Variants in GPBP1L1 observed in about 807,000 individuals in gnomAD.
GPBP1L1 encodes GC-rich promoter binding protein 1 like 1, also known as vasculin-like protein 1.
GPBP1L1 carries 23 observed loss-of-function variants against 52.5 expected under a neutral mutation model. That is an observed-to-expected ratio of 0.44 (90% CI 0.32 to 0.62). The LOEUF is 0.62. Ranked by LOEUF, GPBP1L1 falls within the 20% of genes least tolerant of loss-of-function variation. The pLI, the probability that GPBP1L1 is intolerant of heterozygous loss-of-function variation, is 0.06. For missense variants in GPBP1L1, 596 were observed against 579.3 expected (o/e 1.03, Z -0.30); for synonymous variants, 243 against 203.1 (o/e 1.20, Z -1.67).
chr1:45,656,744 T>C (rs12745365), intron 4 of GPBP1L1, among the ~76,000 whole-genome samples: 11,255 of 151,852 alleles, frequency 0.074, 605 homozygotes, highest in Middle Eastern at 0.16. Context: ...CAGCTCACTG[T>C]AGCCTCAAAC....
chr1:45,683,204 T>TC (rs1491329475), intron 2 of GPBP1L1, among the ~76,000 whole-genome samples: 4 of 45,730 alleles, frequency 8.7e-5, no homozygotes, highest in African/African-American at 4.0e-4. Flanking sequence ...AATATAGGCC[T>TC]TTTTTTTTTT....
At chr1:45,660,130 T>C (rs1370132183) in intron 3 of GPBP1L1, 54 bp downstream of exon 3, 1 of 939,832 alleles carries the variant, frequency 1.1e-6, no homozygotes, top group South Asian at 4.9e-5. Context: ...GTATTTTTCA[T>C]GATGCATATA....
chr1:45,659,333 C>A (rs753982232), intron 3 of GPBP1L1, among the ~76,000 whole-genome samples, 191 bp from the exon 4 acceptor site: 1 of 152,128 alleles, frequency 6.6e-6, no homozygotes, highest in Admixed American at 6.5e-5. Context: ...AACAAAAGTT[C>A]TAAACAAAAG....
At chr1:45,635,981 C>T (rs1644588855) in intron 8 of GPBP1L1, among the ~76,000 whole-genome samples, 1 of 152,088 alleles carries the variant, frequency 6.6e-6, no homozygotes, top group African/African-American at 2.4e-5. Context: ...TATATACCAC[C>T]TTCTTATTGC....
At chr1:45,637,888 A>G (rs1317426287) in intron 8 of GPBP1L1, among the ~76,000 whole-genome samples, 7 of 152,298 alleles carry the variant, frequency 4.6e-5, no homozygotes, top group African/African-American at 7.2e-5. Context: ...CACAAAAAAA[A>G]GGGGGGCATT....
At chr1:45,669,026 C>T (rs941489855) in intron 2 of GPBP1L1, among the ~76,000 whole-genome samples, 1 of 152,154 alleles carries the variant, frequency 6.6e-6, no homozygotes, top group Non-Finnish European at 1.5e-5. Flanking sequence ...CATTGATACA[C>T]CATTTTAATT....
At chr1:45,674,870 T>C (rs1335684182) in intron 2 of GPBP1L1, among the ~76,000 whole-genome samples, 1 of 152,244 alleles carries the variant, frequency 6.6e-6, no homozygotes, top group East Asian at 1.9e-4. Flanking sequence ...AAATTACAAA[T>C]GGGTTTATCC....
upstream of GPBP1L1, chr1:45,687,688 C>G (rs771389112): frequency 4.6e-5 from 7 of 152,206 alleles, no homozygotes; most frequent in Non-Finnish European, 8.8e-5. Flanking sequence ...ATCACCACAC[C>G]TTTCATGGAA....
intron 2 of GPBP1L1, among the ~76,000 whole-genome samples, chr1:45,675,483 C>T (rs1017051333): frequency 6.6e-6 from 1 of 151,962 alleles, no homozygotes; most frequent in African/African-American, 2.4e-5. Context: ...TTAGTGGGTG[C>T]CCAATAAATG....
rs188839377 is a variant in GPBP1L1 at position 45,643,710 on chromosome 1, C to T, written c.478-1211G>A. Among the ~76,000 whole-genome samples, 383 of 125,518 alleles carry T rather than the reference C, an allele frequency of 3.1e-3. 5 individuals carry two copies. Among genetic ancestry groups the T allele is most frequent in the African/African-American group, 0.011 (366 of 32,204 alleles). The allele number at this position is 125,518 out of a possible 152,430, so 82.3% of individuals were successfully genotyped here. A position where few individuals can be genotyped will look rare whatever the true frequency, so the allele number is the denominator to read the frequency against. ...TTTGTGACAGAGTGTCACTCTGTTGCCCAGGTTGGAGTACAGTGGCACAAT... is the reference window on the plus strand; with the variant it reads ...TTTGTGACAGAGTGTCACTCTGTTGTCCAGGTTGGAGTACAGTGGCACAAT... On this transcript the variant is annotated intron_variant, in intron 6 of 12. Coordinates refer to ENST00000355105, the MANE Select transcript of GPBP1L1 (RefSeq NM_021639.5).
At chr1:45,668,683 A>C (rs1327421917) in intron 2 of GPBP1L1, among the ~76,000 whole-genome samples, 1 of 152,186 alleles carries the variant, frequency 6.6e-6, no homozygotes, top group Non-Finnish European at 1.5e-5. Flanking sequence ...CAAAAAAACC[A>C]AAACAGAACA....
intron 12 of GPBP1L1, among the ~76,000 whole-genome samples, chr1:45,628,750 G>A (rs1301845344): frequency 1.3e-5 from 2 of 152,118 alleles, no homozygotes; most frequent in Non-Finnish European, 2.9e-5. Flanking sequence ...TGCATCCTCC[G>A]CCTCCTGGGT....
rs562113160 is a variant in GPBP1L1, at chr1:45,644,346, G to C, written c.478-1847C>G. 7.2e-5 allele frequency among the ~76,000 whole-genome samples: 11 copies of C among 152,190 alleles called. No homozygotes were observed. In the South Asian group the frequency reaches 2.3e-3, roughly 32 times the overall value. ...ATGCTCCTATTTATACAGTATCTTT[G>C]ATCTCTTTCTACTGTTTTAAAAAAT... On this transcript the variant is annotated intron_variant, in intron 6 of 12. Transcript: ENST00000355105.
At chr1:45,664,438 C>T (rs1237067745) in intron 2 of GPBP1L1, among the ~76,000 whole-genome samples, 2 of 151,418 alleles carry the variant, frequency 1.3e-5, no homozygotes, top group South Asian at 2.1e-4. Context: ...TGGTGGTGGG[C>T]GCATGTAGTT....
chr1:45,633,624 T>TA lies in GPBP1L1; in HGVS notation c.908_909insT (p.Ile304AsnfsTer2). On this transcript the variant is annotated frameshift_variant, in exon 10 of 13. Transcript: ENST00000355105. LOFTEE classifies it high-confidence loss of function. ...TCAGACGAGAGGAGCTGATCTCAATTGGAGGGGTGGTGCTGGAGGGACTCT... is the reference window on the plus strand; with the variant it reads ...TCAGACGAGAGGAGCTGATCTCAATTAGGAGGGGTGGTGCTGGAGGGACTCT... 1 of 1,613,974 alleles carries TA rather than the reference T, an allele frequency of 6.2e-7. No homozygotes were observed.
intron 6 of GPBP1L1, 107 bp downstream of exon 6, chr1:45,654,436 A>G (rs1002110633): frequency 1.8e-6 from 2 of 1,141,318 alleles, no homozygotes; most frequent in African/African-American, 3.1e-5. Context: ...CTCAACTTAC[A>G]AATTCCTTTT....
At chr1:45,628,438 A>G in intron 12 of GPBP1L1, 30 bp from the exon 13 acceptor site, 12 of 1,607,852 alleles carry the variant, frequency 7.5e-6, no homozygotes, top group Non-Finnish European at 1.0e-5. Context: ...GAAAGAAAAA[A>G]GAAAAAAATA....
intron 6 of GPBP1L1, chr1:45,650,999 T>C (rs763630801): frequency 8.6e-6 from 3 of 347,536 alleles, no homozygotes; most frequent in Admixed American, 3.4e-5. Context: ...CATTACCTTT[T>C]TATGTAAAGA....
intron 6 of GPBP1L1, chr1:45,651,645 T>C: frequency 1.5e-6 from 1 of 685,582 alleles, no homozygotes; most frequent in African/African-American, 1.8e-5. Context: ...TGCTGCAACC[T>C]GATATAGCAG....
Sources: allele counts gnomAD v4.1 joint callset (sites outside exome capture counted in the v4.1 genomes callset), GRCh38; gene constraint gnomAD v4.1.1; transcripts MANE v1.5; gene names NCBI Gene and HGNC (gene_info 2026-07-23, HGNC 2026-07-21).